The following FRMD3 variants were observed in gnomAD, a reference collection of about 807,000 sequenced individuals.
FRMD3 encodes FERM domain containing 3.
A neutral mutation model predicts 70.2 loss-of-function variants in FRMD3; 33 were observed. That is an observed-to-expected ratio of 0.47 (90% CI 0.36 to 0.63). The LOEUF is 0.63. Ranked by LOEUF, FRMD3 falls within the 20% of genes least tolerant of loss-of-function variation. The probability of loss-of-function intolerance (pLI) is 0.00; values close to 1 mark genes in which losing one functional copy is unlikely to be tolerated. For missense variants in FRMD3, 632 were observed against 711.4 expected (o/e 0.89, Z 1.27); for synonymous variants, 279 against 255.9 (o/e 1.09, Z -0.86).
At chr9:83,423,807 G>T (rs113106932) in intron 1 of FRMD3, among the ~76,000 whole-genome samples, 33,669 of 151,522 alleles carry the variant, frequency 0.22, 3,883 homozygotes, top group Non-Finnish European at 0.26. Context: ...TGTTGGCCAG[G>T]CTGGTCTCAA....
intron 1 of FRMD3, chr9:83,467,875 G>A (rs1365283537): frequency 8.7e-7 from 1 of 1,143,728 alleles, no homozygotes; most frequent in East Asian, 2.7e-5. Flanking sequence ...ACAAACATGA[G>A]ATGCTTTTAA....
intron 1 of FRMD3, among the ~76,000 whole-genome samples, chr9:83,505,410 T>A (rs1444009306): frequency 6.6e-6 from 1 of 152,210 alleles, no homozygotes; most frequent in Non-Finnish European, 1.5e-5. Flanking sequence ...AGCCAAGTGC[T>A]GAGGCCACCA....
chr9:83,496,356 A>T (rs1033044955), intron 1 of FRMD3, among the ~76,000 whole-genome samples: 9 of 152,200 alleles, frequency 5.9e-5, no homozygotes, highest in African/African-American at 2.2e-4. Flanking sequence ...TTCATCAAGG[A>T]CACTAGCTGG....
intron 8 of FRMD3, among the ~76,000 whole-genome samples, chr9:83,311,671 C>T (rs1835362189): frequency 6.6e-6 from 1 of 152,026 alleles, no homozygotes; most frequent in South Asian, 2.1e-4. Flanking sequence ...GAAGGCAGAG[C>T]CCCTGAGCCC....
intron 1 of FRMD3, among the ~76,000 whole-genome samples, chr9:83,496,034 G>A (rs1828934480): frequency 6.6e-6 from 1 of 152,168 alleles, no homozygotes; most frequent in African/African-American, 2.4e-5. Context: ...AAATCCATAA[G>A]CTAGTACTTT....
intron 1 of FRMD3, among the ~76,000 whole-genome samples, chr9:83,434,360 C>G (rs1827069722): frequency 6.6e-6 from 1 of 152,158 alleles, no homozygotes; most frequent in Non-Finnish European, 1.5e-5. Context: ...CTGGCCCTGG[C>G]CCTTCCTGGT....
chr9:83,267,776 C>T (rs1041345906), intron 13 of FRMD3, among the ~76,000 whole-genome samples: 2 of 151,912 alleles, frequency 1.3e-5, no homozygotes, highest in East Asian at 3.9e-4. Context: ...TTTTTTGGGA[C>T]GAAGCCTTTG....
chr9:83,569,587 C>T, the FRMD3 span, among the ~76,000 whole-genome samples: 1 of 152,328 alleles, frequency 6.6e-6, no homozygotes, highest in Admixed American at 6.5e-5. Flanking sequence ...GCTGCTGTTT[C>T]CATTTCTAGC....
At chr9:83,448,918 C>A (rs1391470653) in intron 1 of FRMD3, among the ~76,000 whole-genome samples, 1 of 152,180 alleles carries the variant, frequency 6.6e-6, no homozygotes, top group Non-Finnish European at 1.5e-5. Flanking sequence ...AATTCCCAGG[C>A]CTCCTTCAGC....
intron 1 of FRMD3, among the ~76,000 whole-genome samples, chr9:83,442,026 C>G (rs1441412958): frequency 6.6e-6 from 1 of 152,066 alleles, no homozygotes; most frequent in Non-Finnish European, 1.5e-5. Flanking sequence ...CACTAAAGCC[C>G]GACACATCTT....
intron 13 of FRMD3, among the ~76,000 whole-genome samples, chr9:83,253,991 C>G (rs2118585504): frequency 6.6e-6 from 1 of 152,156 alleles, no homozygotes; most frequent in South Asian, 2.1e-4. Flanking sequence ...CGGAAACCAT[C>G]ATTCTCAGCA....
the FRMD3 span, among the ~76,000 whole-genome samples, chr9:83,580,934 A>G: frequency 1.3e-5 from 2 of 152,176 alleles, no homozygotes; most frequent in South Asian, 2.1e-4. Context: ...AAAAAACTTC[A>G]GAAGAAAACA....
intron 1 of FRMD3, among the ~76,000 whole-genome samples, chr9:83,446,395 C>T (rs995053818): frequency 6.6e-6 from 1 of 152,152 alleles, no homozygotes; most frequent in Non-Finnish European, 1.5e-5. Flanking sequence ...CGCATGTAAT[C>T]CCAGCACTTT....
intron 1 of FRMD3, among the ~76,000 whole-genome samples, chr9:83,474,606 A>G (rs1043399830): frequency 2.0e-5 from 3 of 152,130 alleles, no homozygotes; most frequent in African/African-American, 7.2e-5. Flanking sequence ...CAGAGAATAC[A>G]TGTCTCATTC....
At chr9:83,470,469 C>G (rs1828242601) in intron 1 of FRMD3, among the ~76,000 whole-genome samples, 1 of 152,316 alleles carries the variant, frequency 6.6e-6, no homozygotes, top group African/African-American at 2.4e-5. Flanking sequence ...TGTAAATCAG[C>G]TTGCAGAGTG....
intron 2 of FRMD3, among the ~76,000 whole-genome samples, chr9:83,387,242 T>A (rs571502233): frequency 6.6e-6 from 1 of 152,222 alleles, no homozygotes; most frequent in Admixed American, 6.5e-5. Flanking sequence ...AATTCTTCTG[T>A]ATGGAAGAGC....
the FRMD3 span, among the ~76,000 whole-genome samples, chr9:83,569,589 A>G: frequency 0.2 from 30,151 of 152,108 alleles, 3,743 homozygotes; most frequent in African/African-American, 0.36. Context: ...TGCTGTTTCC[A>G]TTTCTAGCTC....
At chr9:83,379,310 T>C (rs539637654) in intron 2 of FRMD3, among the ~76,000 whole-genome samples, 16 of 152,312 alleles carry the variant, frequency 1.1e-4, no homozygotes, top group African/African-American at 3.8e-4. Flanking sequence ...GCATGCTTGG[T>C]AATTAGATAT....
intron 3 of FRMD3, among the ~76,000 whole-genome samples, chr9:83,363,327 T>C (rs1351765871): frequency 1.3e-5 from 2 of 152,190 alleles, no homozygotes; most frequent in African/African-American, 2.4e-5. Context: ...CTCAACAATA[T>C]GTCTATAAGT....
Sources: gnomAD v4.1 joint callset for allele counts (sites outside exome capture counted in the v4.1 genomes callset) on GRCh38, gnomAD v4.1.1 for gene constraint, MANE v1.5 for transcripts, NCBI Gene and HGNC (gene_info 2026-07-23, HGNC 2026-07-21) for gene names.